Variants in SYT10 observed in about 807,000 individuals in gnomAD.
The protein encoded by SYT10 is synaptotagmin 10, also known as synaptotagmin-10.
A neutral mutation model predicts 51.1 loss-of-function variants in SYT10; 31 were observed. The observed-to-expected ratio is 0.61, with a 90% confidence interval of 0.46 to 0.82. SYT10 has a LOEUF of 0.82. Ranked by LOEUF, SYT10 falls within the 40% of genes least tolerant of loss-of-function variation. The pLI is 0.00. For synonymous variants in SYT10, 233 were observed against 225.9 expected (o/e 1.03, Z -0.28); for missense variants, 603 against 634.0 (o/e 0.95, Z 0.53).
chr12:33,385,904 A>G (rs751653530), intron 3 of SYT10, among the ~76,000 whole-genome samples: 5 of 152,256 alleles, frequency 3.3e-5, no homozygotes, highest in Non-Finnish European at 5.9e-5. Flanking sequence ...TCACAACTGT[A>G]GTGGAATAAA....
chr12:33,437,031 G>A (rs1214948723), intron 1 of SYT10, among the ~76,000 whole-genome samples: 1 of 152,116 alleles, frequency 6.6e-6, no homozygotes, highest in Non-Finnish European at 1.5e-5. Flanking sequence ...GACGCTGGGT[G>A]GCTAAGAAAT....
At chr12:33,424,817 T>A (rs557640422) in intron 2 of SYT10, among the ~76,000 whole-genome samples, 1 of 151,982 alleles carries the variant, frequency 6.6e-6, no homozygotes, top group South Asian at 2.1e-4. Context: ...AGATCATAAA[T>A]AAGAAAATTT....
Position 33,376,764 on chromosome 12 carries a change from CT to C in SYT10, c.*65del. The C allele has an allele frequency of 6.3e-7, 1 of 1,584,668 alleles. No homozygotes were observed. Among genetic ancestry groups the C allele is most frequent in the Non-Finnish European group, 8.6e-7 (1 of 1,156,198 alleles). ...TCAAATGAGGAAACCAAACCTTCCACTTTTTTTCTGATTCAATGAGCACGTG... is the reference window on the plus strand; with the variant it reads ...TCAAATGAGGAAACCAAACCTTCCACTTTTTTCTGATTCAATGAGCACGTG... On this transcript the variant is annotated 3_prime_UTR_variant, in exon 7 of 7. Transcript: ENST00000228567.
chr12:33,438,261 G>T (rs1366993897), intron 1 of SYT10, among the ~76,000 whole-genome samples: 3 of 152,054 alleles, frequency 2.0e-5, no homozygotes, highest in African/African-American at 4.8e-5. Flanking sequence ...TTAAAATCCC[G>T]CCAGGAGATC....
chr12:33,426,538 A>C (rs1484099813), intron 1 of SYT10, 43 bp from the exon 2 acceptor site: 1 of 1,403,568 alleles, frequency 7.1e-7, no homozygotes, highest in Non-Finnish European at 9.5e-7. Context: ...AATATTGTAC[A>C]TAAAAAAGCA....
chr12:33,400,193 A>T (rs1467562611), intron 3 of SYT10, among the ~76,000 whole-genome samples: 2 of 152,254 alleles, frequency 1.3e-5, no homozygotes, highest in African/African-American at 4.8e-5. Flanking sequence ...ACTTTAGAAG[A>T]TAATTCATTG....
rs147750214 is a variant in SYT10 at position 33,399,899 on chromosome 12, G to A, written c.1077+6890C>T. On this transcript the variant is annotated intron_variant, in intron 3 of 6. Coordinates refer to ENST00000228567, the MANE Select transcript of SYT10 (RefSeq NM_198992.4). ...AGTTACTGGTGGCCCATAAGCAGACGTGTAATCTGTGACACACCAAGGCCA... is the reference window on the plus strand; with the variant it reads ...AGTTACTGGTGGCCCATAAGCAGACATGTAATCTGTGACACACCAAGGCCA... Among the ~76,000 whole-genome samples, 17 of 152,268 alleles carry A rather than the reference G, an allele frequency of 1.1e-4. No homozygotes were observed. In the East Asian group the frequency reaches 1.9e-3, roughly 17 times the overall value.
At chr12:33,438,336 C>T (rs550962755) in intron 1 of SYT10, among the ~76,000 whole-genome samples, 1 of 152,272 alleles carries the variant, frequency 6.6e-6, no homozygotes, top group East Asian at 1.9e-4. Context: ...AGTCGAAAAT[C>T]CCCAAAGCAG....
chr12:33,439,542 T>G lies in SYT10; in HGVS notation c.-20A>C. On this transcript the variant is annotated 5_prime_UTR_variant, in exon 1 of 7. Transcript: ENST00000228567. The stretch of plus-strand genomic sequence containing the variant: ...ACTCATCGTTTGGCTTTTCTTTCGT[T>G]TTCTCTTTTTTTCCCAGTTAGCCGT... The G allele has an allele frequency of 6.2e-7, 1 of 1,610,324 alleles. No individual in the cohort carries two copies.
Position 33,430,634 on chromosome 12 carries a change from TCAAAATGTA to T in SYT10, c.152-4148_152-4140del, listed in dbSNP as rs372087163. ...AAAATTCTAGTTCATTTTTAATTTT[TCAAAATGTA>T]CAAAATGTACAAAAATGTGATTTCC... is the stretch of plus-strand genomic sequence containing the variant. On this transcript the variant is annotated intron_variant, in intron 1 of 6. Coordinates refer to ENST00000228567, the MANE Select transcript of SYT10 (RefSeq NM_198992.4). 7.1e-3 allele frequency among the ~76,000 whole-genome samples: 1,075 copies of T among 152,302 alleles called. 12 individuals carry two copies. Among genetic ancestry groups the T allele is most frequent in the African/African-American group, 0.025 (1,028 of 41,558 alleles).
intron 2 of SYT10, among the ~76,000 whole-genome samples, chr12:33,408,926 C>G (rs1478760859): frequency 6.6e-6 from 1 of 152,130 alleles, no homozygotes; most frequent in Non-Finnish European, 1.5e-5. Context: ...TGTTGCTTTT[C>G]CTTTGAAACA....
chr12:33,378,448 C>T (rs1398570150), intron 6 of SYT10, among the ~76,000 whole-genome samples: 4 of 152,080 alleles, frequency 2.6e-5, no homozygotes, highest in African/African-American at 9.7e-5. Flanking sequence ...CCTGTGAAGC[C>T]GGTAGAGGCA....
intron 3 of SYT10, among the ~76,000 whole-genome samples, chr12:33,398,754 C>A (rs1335526732): frequency 6.6e-6 from 1 of 152,104 alleles, no homozygotes; most frequent in Admixed American, 6.6e-5. Context: ...TATCCTATGG[C>A]ATATATGGAA....
chr12:33,433,060 C>CTT (rs1866609948), intron 1 of SYT10, among the ~76,000 whole-genome samples: 1 of 152,020 alleles, frequency 6.6e-6, no homozygotes. Context: ...ATGTATTTAA[C>CTT]ATTATGAAGA....
chr12:33,417,968 G>T (rs10772078), intron 2 of SYT10, among the ~76,000 whole-genome samples: 21,276 of 152,164 alleles, frequency 0.14, 1,770 homozygotes, highest in African/African-American at 0.21. Context: ...AAAAGAACTT[G>T]CTATTCACCC....
chr12:33,375,487 A>G lies in SYT10; in HGVS notation c.*1343T>C, dbSNP rs1357640905. 6.6e-6 allele frequency: 1 copy of G among 152,066 alleles called. No individual in the cohort carries two copies. Among genetic ancestry groups the G allele is most frequent in the East Asian group, 1.9e-4 (1 of 5,180 alleles). The allele number at this position is 152,066 out of a possible 1,614,324, so 9.4% of individuals were successfully genotyped here. A position where few individuals can be genotyped will look rare whatever the true frequency, so the allele number is the denominator to read the frequency against. On this transcript the variant is annotated 3_prime_UTR_variant, in exon 7 of 7. Coordinates refer to ENST00000228567, the MANE Select transcript of SYT10 (RefSeq NM_198992.4). ...TACTATCTATACCACACATCTTAAA[A>G]GTAAGGTTGGGGTAATTCAGTATAG... is the stretch of plus-strand genomic sequence containing the variant.
intron 2 of SYT10, among the ~76,000 whole-genome samples, chr12:33,414,285 A>G (rs1479491947): frequency 6.6e-6 from 1 of 152,196 alleles, no homozygotes; most frequent in Non-Finnish European, 1.5e-5. Flanking sequence ...AGAGACAGAA[A>G]GTTAACAAGG....
chr12:33,430,222 C>T (rs1231704458), intron 1 of SYT10, among the ~76,000 whole-genome samples: 1 of 152,196 alleles, frequency 6.6e-6, no homozygotes, highest in Non-Finnish European at 1.5e-5. Context: ...ATATCTCTAA[C>T]TAATTTTAGT....
At chr12:33,414,697 T>C (rs1424729278) in intron 2 of SYT10, among the ~76,000 whole-genome samples, 3 of 152,174 alleles carry the variant, frequency 2.0e-5, no homozygotes, top group African/African-American at 7.2e-5. Flanking sequence ...GAAGGAAATT[T>C]ATAGCATTAA....
Sources: gnomAD v4.1 joint callset for allele counts (sites outside exome capture counted in the v4.1 genomes callset) on GRCh38, gnomAD v4.1.1 for gene constraint, MANE v1.5 for transcripts, NCBI Gene and HGNC (gene_info 2026-07-23, HGNC 2026-07-21) for gene names.